HMGN2: variants seen among roughly 807,000 people sequenced by gnomAD.
HMGN2 encodes non-histone chromosomal protein HMG-17.
Under a neutral mutation model 16.9 loss-of-function variants are expected in HMGN2, and 2 were observed. The ratio of observed to expected loss-of-function variants is 0.12; its 90% CI spans 0.05 to 0.37. The LOEUF is 0.37. HMGN2 is among the 10% of genes least tolerant of loss of function. The probability of loss-of-function intolerance (pLI) is 1.00; values close to 1 mark genes in which losing one functional copy is unlikely to be tolerated. For synonymous variants in HMGN2, 31 were observed against 34.9 expected (o/e 0.89, Z 0.39); for missense variants, 90 against 106.0 (o/e 0.85, Z 0.66).
chr1:26,473,766 C>A, intron 3 of HMGN2, 34 bp downstream of exon 3: 1 of 1,605,050 alleles, frequency 6.2e-7, no homozygotes, highest in South Asian at 1.1e-5. Flanking sequence ...CGTGCTTGTC[C>A]CTGAAACTAA....
At chr1:26,472,693 G>A in intron 1 of HMGN2, 66 bp downstream of exon 1, 1 of 1,411,532 alleles carries the variant, frequency 7.1e-7, no homozygotes, top group South Asian at 1.3e-5. Context: ...CGCCTCCCTG[G>A]TGCAGGGAGC....
At chr1:26,472,689 C>T (rs954702794) in intron 1 of HMGN2, 62 bp downstream of exon 1, 2 of 1,438,794 alleles carry the variant, frequency 1.4e-6, no homozygotes, top group South Asian at 1.2e-5. Context: ...CCGCCGCCTC[C>T]CTGGTGCAGG....
chr1:26,473,916 A>G (rs2075592040), intron 3 of HMGN2, 169 bp from the exon 4 acceptor site: 1 of 792,182 alleles, frequency 1.3e-6, no homozygotes, highest in Non-Finnish European at 2.0e-6. Context: ...AAAGTGGGAC[A>G]TTTGAGTGGG....
intron 2 of HMGN2, 62 bp from the exon 3 acceptor site, chr1:26,473,641 G>C (rs2075590276): frequency 1.3e-6 from 2 of 1,586,118 alleles, no homozygotes; most frequent in East Asian, 4.5e-5. Flanking sequence ...AGAGCAAATT[G>C]ATACCAAACT....
chr1:26,475,773 T>C lies in HMGN2; in HGVS notation c.*625T>C, dbSNP rs924483218. The C allele has an allele frequency of 5.9e-6, 2 of 341,506 alleles. No individual in the cohort carries two copies. The highest frequency in any genetic ancestry group is 2.2e-5 in the African/African-American group (1 of 45,658). 21.2% of individuals were successfully genotyped at this position (341,506 alleles called of 1,614,324 possible). On this transcript the variant is annotated 3_prime_UTR_variant, in exon 6 of 6. Transcript: ENST00000361427. ...AAATGTGAAATGTCAACCCTCACTC[T>C]AAACTTTCCCTGTTCAGAGCATCAG...
In HMGN2 at chr1:26,472,576, C is replaced by A. The variant is rs1048108438; in HGVS notation, c.-37C>A. On this transcript the variant is annotated 5_prime_UTR_variant, in exon 1 of 6. Transcript: ENST00000361427. Reference sequence around the variant, plus strand: ...GCCCGCGCGCCGCTGCATCCCGCGTCCAGCACCTACGTCCCGCTGCCGTCG... The same window carrying A: ...GCCCGCGCGCCGCTGCATCCCGCGTACAGCACCTACGTCCCGCTGCCGTCG... 1 of 1,535,882 alleles carries A rather than the reference C, an allele frequency of 6.5e-7. No homozygotes were observed. The highest frequency in any genetic ancestry group is 1.4e-5 in the African/African-American group (1 of 72,870).
At chr1:26,474,064 C>T (rs948614608) in intron 3 of HMGN2, 21 bp from the exon 4 acceptor site, 7 of 1,603,276 alleles carry the variant, frequency 4.4e-6, no homozygotes, top group African/African-American at 1.4e-5. Flanking sequence ...TCACTTTTTC[C>T]TCTCTTCCTG....
chr1:26,472,524 G>A lies in HMGN2; in HGVS notation c.-89G>A, dbSNP rs933368779. 1.4e-6 allele frequency: 2 copies of A among 1,474,716 alleles called. No individual in the cohort carries two copies. The highest frequency in any genetic ancestry group is 1.8e-6 in the Non-Finnish European group (2 of 1,093,990). The allele number at this position is 1,474,716 out of a possible 1,614,324, so 91.4% of individuals were successfully genotyped here. A position where few individuals can be genotyped will look rare whatever the true frequency, so the allele number is the denominator to read the frequency against. On this transcript the variant is annotated 5_prime_UTR_variant, in exon 1 of 6. Transcript: ENST00000361427. Reference sequence around the variant, plus strand: ...GGAGCCCGAGCAGTGTGAAGAAGAGGCGAGAACGACCCCCGGACCGACCAA... The same window carrying A: ...GGAGCCCGAGCAGTGTGAAGAAGAGACGAGAACGACCCCCGGACCGACCAA...
At chr1:26,473,763 G>A in intron 3 of HMGN2, 31 bp downstream of exon 3, 1 of 1,609,176 alleles carries the variant, frequency 6.2e-7, no homozygotes, top group South Asian at 1.1e-5. Flanking sequence ...TTTCGTGCTT[G>A]TCCCTGAAAC....
Position 26,475,335 on chromosome 1 carries a change from T to C in HMGN2, c.*187T>C, listed in dbSNP as rs548732932. 1.9e-3 allele frequency: 914 copies of C among 483,952 alleles called. 7 individuals carry two copies. Among genetic ancestry groups the C allele is most frequent in the African/African-American group, 0.016 (825 of 50,700 alleles). 30.0% of individuals were successfully genotyped at this position (483,952 alleles called of 1,614,324 possible). On this transcript the variant is annotated 3_prime_UTR_variant, in exon 6 of 6. Transcript: ENST00000361427. ...GAAGGGGCATATGTCACTAATAGAATGTCTCCAAAGCTGGATTGATGTGGA... is the reference window on the plus strand; with the variant it reads ...GAAGGGGCATATGTCACTAATAGAACGTCTCCAAAGCTGGATTGATGTGGA...
intron 1 of HMGN2, chr1:26,473,263 C>A: frequency 3.5e-6 from 2 of 568,642 alleles, no homozygotes; most frequent in Non-Finnish European, 3.1e-6. Flanking sequence ...GCTCCGCTGC[C>A]CTCCCCGGCT....
intron 1 of HMGN2, 100 bp downstream of exon 1, chr1:26,472,727 C>A: frequency 9.2e-7 from 1 of 1,088,914 alleles, no homozygotes; most frequent in Non-Finnish European, 1.3e-6. Context: ...GAGCAGGAGC[C>A]AGCGCAGCCT....
At chr1:26,473,833 T>C (rs940089040) in intron 3 of HMGN2, 101 bp downstream of exon 3, 6 of 1,218,956 alleles carry the variant, frequency 4.9e-6, no homozygotes, top group Non-Finnish European at 7.3e-6. Context: ...TGCCTGGTTT[T>C]GAATCATTGC....
rs768180973 is a variant in HMGN2, at chr1:26,472,638, C to T, written c.15+11C>T. 1.2e-5 allele frequency: 18 copies of T among 1,530,694 alleles called. No homozygotes were observed. Among genetic ancestry groups the T allele is most frequent in the South Asian group, 9.5e-5 (8 of 83,948 alleles). 94.8% of individuals were successfully genotyped at this position (1,530,694 alleles called of 1,614,324 possible). ...ATGCCCAAGAGAAAGGTACGTGGCG[C>T]GAGGGCCCCAGGCGCCGGGCCACCA... On this transcript the variant is annotated intron_variant, in intron 1 of 5. Transcript: ENST00000361427.
At chr1:26,474,917 C>T (rs755312177) in intron 5 of HMGN2, 196 bp from the exon 6 acceptor site, 5 of 611,546 alleles carry the variant, frequency 8.2e-6, no homozygotes, top group East Asian at 2.7e-5. Context: ...GTTCTTCCTA[C>T]CTCAATTTTA....
Position 26,472,451 on chromosome 1 carries a change from C to G in HMGN2, c.-162C>G. ...CGGCGGCGGGAGGTGAAATCCGGTT[C>G]TAACCGGTCCGGGGCTCCCAGCGCT... On this transcript the variant is annotated 5_prime_UTR_variant, in exon 1 of 6. Coordinates refer to ENST00000361427, the MANE Select transcript of HMGN2 (RefSeq NM_005517.4). 1 of 855,498 alleles carries G rather than the reference C, an allele frequency of 1.2e-6. No individual in the cohort carries two copies. 53.0% of individuals were successfully genotyped at this position (855,498 alleles called of 1,614,324 possible).
intron 3 of HMGN2, 78 bp from the exon 4 acceptor site, chr1:26,474,007 C>G: frequency 8.2e-7 from 1 of 1,215,542 alleles, no homozygotes; most frequent in South Asian, 1.3e-5. Flanking sequence ...ACCCTTGGTA[C>G]TTTTGGTTGG....
intron 3 of HMGN2, 95 bp from the exon 4 acceptor site, chr1:26,473,990 C>G: frequency 9.3e-7 from 1 of 1,080,236 alleles, no homozygotes; most frequent in Non-Finnish European, 1.4e-6. Flanking sequence ...GGAGGAGAAA[C>G]TTCTCTACCC....
At chr1:26,473,110 G>C in intron 1 of HMGN2, 1 of 254,744 alleles carries the variant, frequency 3.9e-6, no homozygotes, top group Admixed American at 5.5e-5. Flanking sequence ...GCGCGCTGTC[G>C]CCGCCCACGA....
Sources: allele counts gnomAD v4.1 joint callset, GRCh38; gene constraint gnomAD v4.1.1; transcripts MANE v1.5; gene names NCBI Gene and HGNC (gene_info 2026-07-23, HGNC 2026-07-21).